PPP2R3B: variants seen among roughly 807,000 people sequenced by gnomAD.
PPP2R3B encodes protein phosphatase 2 regulatory subunit B''beta.
PPP2R3B carries 68 observed loss-of-function variants against 72.9 expected under a neutral mutation model. The observed-to-expected ratio is 0.93, with a 90% CI of 0.77 to 1.14. PPP2R3B has a LOEUF of 1.14. Ranked by LOEUF, PPP2R3B falls within the 50% of genes most tolerant of loss-of-function variation. The pLI is 0.00. For synonymous variants in PPP2R3B, 466 were observed against 375.8 expected, an observed-to-expected ratio of 1.24 and a Z score of -2.78; for missense variants, 1,018 against 842.0, an observed-to-expected ratio of 1.21 and a Z score of -2.59.
At chrX:382,396 C>T (rs2072147305) in intron 1 of PPP2R3B, among the ~76,000 whole-genome samples, 2 of 152,000 alleles carry the variant, frequency 1.3e-5, no homozygotes, top group Non-Finnish European at 2.9e-5. Context: ...CAGGGTTTCA[C>T]CATGTTGGCC....
At position 345,084 on chromosome X, in the gene PPP2R3B, T is replaced by C. The variant is rs771085785; in HGVS notation, c.1036+432A>G. On this transcript the variant is annotated intron_variant, in intron 7 of 12. Transcript: ENST00000390665. Reference sequence around the variant, plus strand: ...CGGCACCGGCTCCCGCGGAGGTATATGAACGACCGCTAAGCCTGGGGCTCC... The same window carrying C: ...CGGCACCGGCTCCCGCGGAGGTATACGAACGACCGCTAAGCCTGGGGCTCC... 1.3e-5 allele frequency: 6 copies of C among 451,398 alleles called. No homozygotes were observed. In the East Asian group the frequency reaches 2.6e-4, roughly 20 times the overall value. The allele number at this position is 451,398 out of a possible 1,614,324, so 28.0% of individuals were successfully genotyped here.
At chrX:380,698 T>C (rs373831734) in intron 1 of PPP2R3B, among the ~76,000 whole-genome samples, 3 of 144,744 alleles carry the variant, frequency 2.1e-5, no homozygotes, top group Admixed American at 7.4e-5. Flanking sequence ...GGCAGGAGAC[T>C]CACTTGAACT....
chrX:373,103 G>T (rs1285600296), intron 1 of PPP2R3B, among the ~76,000 whole-genome samples: 2 of 152,130 alleles, frequency 1.3e-5, no homozygotes, highest in Non-Finnish European at 2.9e-5. Context: ...ACGCCTTTAC[G>T]AAGGGTGAAG....
chrX:381,310 A>G (rs189246945), intron 1 of PPP2R3B, among the ~76,000 whole-genome samples: 1 of 152,234 alleles, frequency 6.6e-6, no homozygotes, highest in African/African-American at 2.4e-5. Flanking sequence ...ACAGAATGCA[A>G]TCTCTCTGCT....
In PPP2R3B at chrX:368,793, C is replaced by T. The variant is rs1322460619; in HGVS notation, c.325-7203G>A. Among the ~76,000 whole-genome samples the T allele has an allele frequency of 3.1e-4, 31 of 99,626 alleles. 2 individuals are homozygous for T. The highest frequency in any genetic ancestry group is 4.1e-4 in the African/African-American group (9 of 22,002). 65.4% of individuals were successfully genotyped at this position (99,626 alleles called of 152,430 possible). A position where few individuals can be genotyped will look rare whatever the true frequency, so the allele number is the denominator to read the frequency against. ...CCTTGGGCACCGACACGGGGAAGGCCGGGACCACCCACCCCGGGCACTGAC... is the reference window on the plus strand; with the variant it reads ...CCTTGGGCACCGACACGGGGAAGGCTGGGACCACCCACCCCGGGCACTGAC... On this transcript the variant is annotated intron_variant, in intron 1 of 12. Coordinates refer to ENST00000390665, the MANE Select transcript of PPP2R3B (RefSeq NM_013239.5).
chrX:352,300 G>T (rs1475014094), intron 2 of PPP2R3B, among the ~76,000 whole-genome samples: 4 of 152,236 alleles, frequency 2.6e-5, no homozygotes, highest in Admixed American at 2.6e-4. Flanking sequence ...CCGGCAACGC[G>T]GCGGCACGCC....
chrX:361,358 C>A, intron 2 of PPP2R3B, 47 bp downstream of exon 2: 1 of 1,603,478 alleles, frequency 6.2e-7, no homozygotes, highest in Non-Finnish European at 8.5e-7. Flanking sequence ...CCCTCACATG[C>A]CCGCAGTACC....
chrX:342,065 C>T, intron 7 of PPP2R3B, 134 bp from the exon 8 acceptor site: 1 of 1,009,918 alleles, frequency 9.9e-7, no homozygotes, highest in South Asian at 1.3e-5. Flanking sequence ...AGCCCCGGGG[C>T]CCCGATGCCC....
chrX:372,877 G>A (rs1434724361), intron 1 of PPP2R3B, among the ~76,000 whole-genome samples: 1 of 152,180 alleles, frequency 6.6e-6, no homozygotes, highest in Non-Finnish European at 1.5e-5. Flanking sequence ...GCAGTGAGCC[G>A]AGATAGCGCC....
chrX:356,429 T>C (rs1272929962), intron 2 of PPP2R3B, among the ~76,000 whole-genome samples: 6 of 152,148 alleles, frequency 3.9e-5, no homozygotes, highest in African/African-American at 1.4e-4. Flanking sequence ...TTGGCCAGGC[T>C]GGCCTCGAAC....
chrX:384,746 A>G (rs897316720), intron 1 of PPP2R3B, among the ~76,000 whole-genome samples: 6 of 151,876 alleles, frequency 4.0e-5, no homozygotes, highest in African/African-American at 1.2e-4. Flanking sequence ...GCACTTTGAG[A>G]GGCTGAGGCG....
intron 12 of PPP2R3B, chrX:337,895 C>T (rs2070933955): frequency 6.5e-6 from 1 of 153,466 alleles, no homozygotes; most frequent in Non-Finnish European, 1.4e-5. Flanking sequence ...AGCTTCACAC[C>T]CCACAGGGAA....
At chrX:382,092 A>G (rs1425397860) in intron 1 of PPP2R3B, among the ~76,000 whole-genome samples, 2 of 151,228 alleles carry the variant, frequency 1.3e-5, no homozygotes, top group East Asian at 3.9e-4. Flanking sequence ...CACCCTGCAC[A>G]CCCTGGCCGC....
Position 354,959 on chromosome X carries a change from C to T in PPP2R3B, c.510+6446G>A, listed in dbSNP as rs1028342116. ...CGCTGCGTCACGGACGACTTGAGCC[C>T]GAGGCGGGAAGGGGCGTGCTCTCCA... is the stretch of plus-strand genomic sequence containing the variant. On this transcript the variant is annotated intron_variant, in intron 2 of 12. Coordinates refer to ENST00000390665, the MANE Select transcript of PPP2R3B (RefSeq NM_013239.5). Among the ~76,000 whole-genome samples, 23 of 152,324 alleles carry T rather than the reference C, an allele frequency of 1.5e-4. No homozygotes were observed. The Middle Eastern group carries it at 0.01, about 68-fold the overall frequency.
At position 347,433 on chromosome X, in the gene PPP2R3B, G is replaced by A. The variant is rs2071245005; in HGVS notation, c.615-97C>T. The stretch of plus-strand genomic sequence containing the variant: ...ACACGTGTGTGGTGTTCCACGTGGT[G>A]CGTGGCAGGTGGCCACACACGACGG... On this transcript the variant is annotated intron_variant, in intron 3 of 12. Coordinates refer to ENST00000390665, the MANE Select transcript of PPP2R3B (RefSeq NM_013239.5). The A allele has an allele frequency of 2.2e-6, 3 of 1,364,916 alleles. No homozygotes were observed. In the Admixed American group the frequency reaches 5.1e-5, roughly 23 times the overall value. 84.6% of individuals were successfully genotyped at this position (1,364,916 alleles called of 1,614,324 possible).
intron 1 of PPP2R3B, 135 bp downstream of exon 1, chrX:386,233 G>C (rs1357629260): frequency 5.3e-6 from 3 of 568,614 alleles, no homozygotes; most frequent in East Asian, 7.2e-5. Flanking sequence ...GGGGGGGGTC[G>C]GGGCGGGGAA....
intron 1 of PPP2R3B, among the ~76,000 whole-genome samples, chrX:369,159 G>A (rs1028790290): frequency 1.3e-5 from 2 of 152,184 alleles, no homozygotes; most frequent in Non-Finnish European, 2.9e-5. Flanking sequence ...CGTAGCCGGT[G>A]AGGCCAGGCA....
At chrX:339,179 C>T (rs1354626249) in intron 10 of PPP2R3B, among the ~76,000 whole-genome samples, 1 of 150,226 alleles carries the variant, frequency 6.7e-6, no homozygotes, top group African/African-American at 2.5e-5. Context: ...AGGGGCGCTG[C>T]TGGATCTGAA....
At chrX:375,776 G>T (rs900557840) in intron 1 of PPP2R3B, among the ~76,000 whole-genome samples, 3 of 97,496 alleles carry the variant, frequency 3.1e-5, no homozygotes, top group Admixed American at 1.9e-4. Context: ...CAACGGGCGC[G>T]ATCCTCACAC....
Sources: gnomAD v4.1 joint callset for allele counts (sites outside exome capture counted in the v4.1 genomes callset) on GRCh38, gnomAD v4.1.1 for gene constraint, MANE v1.5 for transcripts, NCBI Gene and HGNC (gene_info 2026-07-23, HGNC 2026-07-21) for gene names.